Variants in MAG observed in about 807,000 individuals in gnomAD.
The protein encoded by MAG is myelin associated glycoprotein.
A neutral mutation model predicts 60.7 loss-of-function variants in MAG; 30 were observed. That is an observed-to-expected ratio of 0.49 (90% CI 0.37 to 0.67). The LOEUF (loss-of-function observed/expected upper bound fraction) is 0.67, where lower values mean the gene tolerates loss of function less well. Among genes scored for constraint, MAG ranks in the 30% least tolerant of loss-of-function variants. MAG has a pLI of 0.00. For missense variants in MAG, 795 were observed against 851.7 expected (o/e 0.93, Z 0.83); for synonymous variants, 384 against 376.8 (o/e 1.02, Z -0.22).
chr19:35,313,016 G>A (rs1568477957), intron 10 of MAG, among the ~76,000 whole-genome samples: 4 of 152,158 alleles, frequency 2.6e-5, no homozygotes, highest in South Asian at 4.1e-4. Flanking sequence ...TCCAGCCTGG[G>A]TCTCAAAGAA....
chr19:35,300,121 T>C, intron 5 of MAG, 26 bp from the exon 6 acceptor site: 1 of 1,511,312 alleles, frequency 6.6e-7, no homozygotes, highest in Non-Finnish European at 8.9e-7. Context: ...ACCTGCTCAC[T>C]AACCTCGCTG....
chr19:35,310,463 T>C, intron 8 of MAG, 84 bp from the exon 9 acceptor site: 1 of 1,198,690 alleles, frequency 8.3e-7, no homozygotes, highest in Non-Finnish European at 1.2e-6. Context: ...ACATTGACTG[T>C]CATCCCAGCA....
chr19:35,297,386 CTA>C (rs1424805827), intron 4 of MAG, among the ~76,000 whole-genome samples: 37 of 144,932 alleles, frequency 2.6e-4, no homozygotes, highest in Admixed American at 2.5e-3. Flanking sequence ...TACACACACA[CTA>C]CACACACACC....
In MAG at chr19:35,310,064, C is replaced by T; in HGVS notation, c.1422C>T (p.Leu474=). 6.2e-7 allele frequency: 1 copy of T among 1,613,634 alleles called. No individual in the cohort carries two copies. The highest frequency in any genetic ancestry group is 8.5e-7 in the Non-Finnish European group (1 of 1,179,908). Residue 474 remains leucine (L), a synonymous_variant, in exon 8 of 11, where the codon CTC becomes CTT. Transcript: ENST00000392213. The stretch of plus-strand genomic sequence containing the variant: ...GCGGCCTCGTGCTCACCAGCATCCT[C>T]ACGCTGCGGGGGCAGGCCCAGGCCC... The part of the protein sequence containing the change: ...ERSGLVLTSI[L]TLRGQAQAPP...
chr19:35,307,604 T>G (rs964978804), intron 7 of MAG, among the ~76,000 whole-genome samples: 4 of 152,186 alleles, frequency 2.6e-5, no homozygotes, highest in Admixed American at 1.3e-4. Flanking sequence ...GGACAATCAC[T>G]TGAACCTGGG....
chr19:35,299,952 G>T, intron 5 of MAG, 102 bp downstream of exon 5: 1 of 1,239,710 alleles, frequency 8.1e-7, no homozygotes, highest in Non-Finnish European at 1.0e-6. Context: ...GGGCCGTGAT[G>T]GGGGCGGGGC....
At chr19:35,312,545 G>A (rs2145628530) in intron 10 of MAG, 1 of 475,400 alleles carries the variant, frequency 2.1e-6, no homozygotes, top group African/African-American at 2.0e-5. Flanking sequence ...GGGGTGGAGG[G>A]AGGGGTGGGA....
rs2066369497 is a variant in MAG at position 35,293,125 on chromosome 19, G to A, written c.-80+921G>A. On this transcript the variant is annotated intron_variant, in intron 1 of 10. Transcript: ENST00000392213. The surrounding 1 kb of genome is among the most constrained non-coding windows in gnomAD (Gnocchi z 4.0). ...CCCGGGCACGTGCTCATCCTCATCT[G>A]CATCTCTCTCCTGTACCTTCCTGTC... Among the ~76,000 whole-genome samples the A allele has an allele frequency of 6.6e-6, 1 of 152,104 alleles. No homozygotes were observed. The highest frequency in any genetic ancestry group is 1.5e-5 in the Non-Finnish European group (1 of 68,026).
chr19:35,300,392 C>A lies in MAG; in HGVS notation c.958C>A (p.Leu320Ile). ...AYGQDNRTVGLSVMYAPWKPT... is the reference protein window; with the variant it reads ...AYGQDNRTVGISVMYAPWKPT... ...TGGCCAGGACAACCGCACCGTGGGGCTCAGTGTCATGTGTGAGTGGCCCAC... is the reference window on the plus strand; with the variant it reads ...TGGCCAGGACAACCGCACCGTGGGGATCAGTGTCATGTGTGAGTGGCCCAC... Residue 320 changes from leucine (L) to isoleucine (I), a missense_variant, in exon 6 of 11, where the codon CTC becomes ATC. Coordinates refer to ENST00000392213, the MANE Select transcript of MAG (RefSeq NM_002361.4). The A allele has an allele frequency of 6.4e-7, 1 of 1,573,588 alleles. No individual in the cohort carries two copies. The highest frequency in any genetic ancestry group is 8.6e-7 in the Non-Finnish European group (1 of 1,161,220).
intron 7 of MAG, among the ~76,000 whole-genome samples, chr19:35,308,341 G>A (rs2066500027): frequency 6.6e-6 from 1 of 152,250 alleles, no homozygotes; most frequent in Non-Finnish European, 1.5e-5. Flanking sequence ...TTCAGACACA[G>A]CAAGGAACCG....
chr19:35,304,819 T>C (rs974126734), intron 7 of MAG, among the ~76,000 whole-genome samples: 2 of 152,074 alleles, frequency 1.3e-5, no homozygotes, highest in Non-Finnish European at 2.9e-5. Context: ...GGATTACAGG[T>C]GTGAGCCACC....
At position 35,295,847 on chromosome 19, in the gene MAG, A is replaced by T; in HGVS notation, c.281A>T (p.Asp94Val). 1 of 1,613,834 alleles carries T rather than the reference A, an allele frequency of 6.2e-7. No individual in the cohort carries two copies. Among genetic ancestry groups the T allele is most frequent in the African/African-American group, 1.3e-5 (1 of 74,996 alleles). The part of the protein sequence containing the change: ...SFQGRSRLLG[D>V]LGLRNCTLLL... Reference sequence around the variant, plus strand: ...CAGGGCCGCAGCCGCCTCCTGGGGGACCTGGGCCTGCGAAACTGCACCCTC... The same window carrying T: ...CAGGGCCGCAGCCGCCTCCTGGGGGTCCTGGGCCTGCGAAACTGCACCCTC... Residue 94 changes from aspartate to valine, a missense_variant, in exon 4 of 11, where the codon GAC (aspartate) becomes GTC (valine). By Grantham distance (152) the Asp-to-Val change is radical. Coordinates refer to ENST00000392213, the MANE Select transcript of MAG (RefSeq NM_002361.4). The surrounding 1 kb of genome is among the most constrained non-coding windows in gnomAD (Gnocchi z 5.8).
Position 35,300,024 on chromosome 19 carries a change from C to T in MAG, c.713-123C>T, listed in dbSNP as rs1965002703. On this transcript the variant is annotated intron_variant, in intron 5 of 10. Transcript: ENST00000392213. ...GGGACGGGGGCGGAACCAGGCAGTC[C>T]TGGGGCGGGGCCAAGGCTGAGGGCG... The T allele has an allele frequency of 2.0e-5, 17 of 861,510 alleles. No individual in the cohort carries two copies. The South Asian group carries it at 3.5e-4, about 18-fold the overall frequency. The allele number at this position is 861,510 out of a possible 1,614,324, so 53.4% of individuals were successfully genotyped here.
chr19:35,309,774 C>A (rs187060316), intron 7 of MAG, 100 bp from the exon 8 acceptor site: 9 of 1,302,368 alleles, frequency 6.9e-6, no homozygotes. Context: ...CTACCGCCCC[C>A]ATCCTTGGCC....
Position 35,301,598 on chromosome 19 carries a change from AT to A in MAG, c.971-845del, listed in dbSNP as rs1024700114. ...AGGCGCACACCACCACACCTGGCTA[AT>A]TTTTGTATTTGTAGTAGAGACAGGG... is the stretch of plus-strand genomic sequence containing the variant. On this transcript the variant is annotated intron_variant, in intron 6 of 10. Coordinates refer to ENST00000392213, the MANE Select transcript of MAG (RefSeq NM_002361.4). Among the ~76,000 whole-genome samples the A allele has an allele frequency of 4.2e-4, 64 of 152,110 alleles. 1 individual carries two copies. Among genetic ancestry groups the A allele is most frequent in the African/African-American group, 1.5e-3 (61 of 41,510 alleles).
Position 35,309,234 on chromosome 19 carries a change from A to G in MAG, c.1232-640A>G, listed in dbSNP as rs376933689. Among the ~76,000 whole-genome samples the G allele has an allele frequency of 4.6e-3, 693 of 152,210 alleles. 4 individuals are homozygous for G. The highest frequency in any genetic ancestry group is 0.016 in the African/African-American group (671 of 41,538). On this transcript the variant is annotated intron_variant, in intron 7 of 10. Coordinates refer to ENST00000392213, the MANE Select transcript of MAG (RefSeq NM_002361.4). The stretch of plus-strand genomic sequence containing the variant: ...GAGCACCCCAAACCACCCCGAAATG[A>G]GGCCACTTGGGATTCCAAAGAGAGA...
At position 35,293,763 on chromosome 19, in the gene MAG, C is replaced by A. The variant is rs953521558; in HGVS notation, c.-79-472C>A. 6.6e-6 allele frequency among the ~76,000 whole-genome samples: 1 copy of A among 152,074 alleles called. No individual in the cohort carries two copies. Among genetic ancestry groups the A allele is most frequent in the Non-Finnish European group, 1.5e-5 (1 of 68,000 alleles). On this transcript the variant is annotated intron_variant, in intron 1 of 10. Transcript: ENST00000392213. The surrounding 1 kb of genome is among the most constrained non-coding windows in gnomAD (Gnocchi z 4.0). ...CCCCCCGCAGGCTAAAACACCCTCTCCCCGAGGGAACAGGACTCTTTTGTA... is the reference window on the plus strand; with the variant it reads ...CCCCCCGCAGGCTAAAACACCCTCTACCCGAGGGAACAGGACTCTTTTGTA...
At chr19:35,305,171 C>T (rs989072433) in intron 7 of MAG, among the ~76,000 whole-genome samples, 1 of 152,158 alleles carries the variant, frequency 6.6e-6, no homozygotes, top group Non-Finnish European at 1.5e-5. Context: ...GCTCCCTACT[C>T]TTCACCCAGG....
chr19:35,295,977 C>T lies in MAG; in HGVS notation c.411C>T (p.Ile137=), dbSNP rs757080758. The T allele has an allele frequency of 1.3e-5, 20 of 1,571,242 alleles. No individual in the cohort carries two copies. In the East Asian group the frequency reaches 3.4e-4, roughly 27 times the overall value. The change falls in exon 4 of 11, where the codon ATC becomes ATT. Residue 137 remains isoleucine (I), a synonymous_variant. Coordinates refer to ENST00000392213, the MANE Select transcript of MAG (RefSeq NM_002361.4). The surrounding 1 kb of genome is among the most constrained non-coding windows in gnomAD (Gnocchi z 5.8). ...YTFSEHSVLD[I]VNTPNIVVPP... ...TCTCAGAGCACAGCGTCCTGGATAT[C>T]GTCAGTGAGTCCCCAGCGGTTGTGC...
Sources: allele counts gnomAD v4.1 joint callset (sites outside exome capture counted in the v4.1 genomes callset), GRCh38; gene constraint gnomAD v4.1.1; non-coding constraint Gnocchi (gnomAD v3.1); transcripts MANE v1.5; gene names NCBI Gene and HGNC (gene_info 2026-07-23, HGNC 2026-07-21).